SLC35F2: variants seen among roughly 807,000 people sequenced by gnomAD.
SLC35F2 encodes solute carrier family 35 member F2.
SLC35F2 carries 25 observed loss-of-function variants against 38.1 expected under a neutral mutation model. The ratio of observed to expected loss-of-function variants is 0.66; its 90% CI spans 0.48 to 0.92. SLC35F2 has a LOEUF of 0.92. Ranked by LOEUF, SLC35F2 falls within the 40% of genes least tolerant of loss-of-function variation. SLC35F2 has a pLI of 0.00. For missense variants in SLC35F2, 409 were observed against 452.9 expected (o/e 0.90, Z 0.88); for synonymous variants, 173 against 181.7 (o/e 0.95, Z 0.38).
intron 1 of SLC35F2, among the ~76,000 whole-genome samples, chr11:107,857,079 A>T (rs1270103965): frequency 6.8e-6 from 1 of 146,752 alleles, no homozygotes; most frequent in Non-Finnish European, 1.5e-5. Context: ...TGGAGCACAG[A>T]GAACTGATTT....
chr11:107,852,116 T>C (rs1565443273), intron 1 of SLC35F2, among the ~76,000 whole-genome samples: 2 of 152,134 alleles, frequency 1.3e-5, no homozygotes, highest in East Asian at 1.9e-4. Context: ...TGCTAGACAA[T>C]AACAAGGAGT....
At chr11:107,793,975 T>C in intron 7 of SLC35F2, among the ~76,000 whole-genome samples, 2 of 152,090 alleles carry the variant, frequency 1.3e-5, no homozygotes, top group Non-Finnish European at 2.9e-5. Context: ...GGAAAAATGA[T>C]ATACCCCAAA....
At chr11:107,837,345 T>C (rs1342346312) in intron 1 of SLC35F2, among the ~76,000 whole-genome samples, 1 of 152,022 alleles carries the variant, frequency 6.6e-6, no homozygotes, top group East Asian at 1.9e-4. Flanking sequence ...TAGATTAAAA[T>C]CCAAATATGA....
At chr11:107,828,056 T>C (rs559364297) in intron 1 of SLC35F2, among the ~76,000 whole-genome samples, 119 of 152,318 alleles carry the variant, frequency 7.8e-4, no homozygotes, top group African/African-American at 2.7e-3. Context: ...AAACTAAGGA[T>C]TGAATCTATG....
rs189939234 is a variant in SLC35F2 at position 107,820,913 on chromosome 11, G to A, written c.111-4948C>T. On this transcript the variant is annotated intron_variant, in intron 1 of 7. Transcript: ENST00000525815. ...AGAGGTTTCAGTGAGCTGAGATGGC[G>A]CTACTGCACTCCAGCCTGGGCAACA... Among the ~76,000 whole-genome samples, 27 of 152,136 alleles carry A rather than the reference G, an allele frequency of 1.8e-4. No individual in the cohort carries two copies. In the East Asian group the frequency reaches 3.9e-3, roughly 22 times the overall value.
intron 1 of SLC35F2, among the ~76,000 whole-genome samples, chr11:107,842,058 T>A (rs1375863449): frequency 6.7e-6 from 1 of 148,882 alleles, no homozygotes; most frequent in Non-Finnish European, 1.5e-5. Context: ...AGAACAAGAC[T>A]TCGTCTCAAA....
chr11:107,814,290 A>T (rs550271464), intron 2 of SLC35F2, among the ~76,000 whole-genome samples: 51 of 152,188 alleles, frequency 3.4e-4, no homozygotes, highest in Middle Eastern at 3.4e-3. Flanking sequence ...CAACATCTCC[A>T]CTAAAAATAT....
At chr11:107,811,592 T>C (rs1218201658) in intron 3 of SLC35F2, 75 bp downstream of exon 3, 1 of 1,346,498 alleles carries the variant, frequency 7.4e-7, no homozygotes, top group Non-Finnish European at 1.0e-6. Flanking sequence ...TCAATAAAAT[T>C]AGGTCAACAC....
intron 3 of SLC35F2, chr11:107,811,208 A>G: frequency 1.0e-6 from 1 of 985,104 alleles, no homozygotes. Flanking sequence ...TAACAAAGAA[A>G]TAGGGATGGG....
chr11:107,803,628 C>G (rs1859349629), intron 6 of SLC35F2: 1 of 455,694 alleles, frequency 2.2e-6, no homozygotes, highest in Non-Finnish European at 2.9e-6. Context: ...TTATTAGGTC[C>G]ATTGTATTTT....
chr11:107,857,150 A>G (rs1284584591), intron 1 of SLC35F2, among the ~76,000 whole-genome samples: 2 of 134,510 alleles, frequency 1.5e-5, no homozygotes, highest in Non-Finnish European at 3.1e-5. Context: ...GGAGGGAGGG[A>G]GACTGGAGCA....
Position 107,803,932 on chromosome 11 carries a change from T to C in SLC35F2, c.785-777A>G, listed in dbSNP as rs550132819. 4.6e-5 allele frequency among the ~76,000 whole-genome samples: 7 copies of C among 151,990 alleles called. No individual in the cohort carries two copies. The South Asian group carries it at 1.5e-3, about 32-fold the overall frequency. On this transcript the variant is annotated intron_variant, in intron 6 of 7. Transcript: ENST00000525815. ...CCTCCGCCTCCCAGGTTCAAGTGAT[T>C]CTCCTGTCTCAGCCTCCCGAGTAGC...
intron 1 of SLC35F2, among the ~76,000 whole-genome samples, chr11:107,836,957 G>C (rs1042606689): frequency 1.3e-5 from 2 of 152,050 alleles, no homozygotes; most frequent in Non-Finnish European, 2.9e-5. Flanking sequence ...CAAATAAAGA[G>C]TCTATTAAAA....
intron 1 of SLC35F2, 52 bp downstream of exon 1, chr11:107,858,606 C>G (rs532439463): frequency 5.6e-5 from 70 of 1,246,118 alleles, no homozygotes; most frequent in Non-Finnish European, 6.9e-5. Flanking sequence ...CGCGCAGGGC[C>G]CGCAGCCGCC....
At chr11:107,802,834 C>T (rs7109020) in intron 7 of SLC35F2, among the ~76,000 whole-genome samples, 167 bp downstream of exon 7, 22,849 of 152,112 alleles carry the variant, frequency 0.15, 2,764 homozygotes, top group East Asian at 0.42. Context: ...ACAATTCTTA[C>T]GTGAACCCAT....
chr11:107,809,035 G>A (rs987710073), intron 3 of SLC35F2, among the ~76,000 whole-genome samples: 2 of 152,186 alleles, frequency 1.3e-5, no homozygotes, highest in Admixed American at 1.3e-4. Flanking sequence ...ACGCTGACCA[G>A]CTAGCTGTGT....
intron 7 of SLC35F2, among the ~76,000 whole-genome samples, chr11:107,796,844 T>A (rs1859225587): frequency 1.3e-5 from 2 of 149,422 alleles, no homozygotes; most frequent in African/African-American, 4.9e-5. Context: ...AATTTTTGTA[T>A]TTTTTTTTTG....
intron 1 of SLC35F2, among the ~76,000 whole-genome samples, chr11:107,846,417 T>C (rs1314897223): frequency 1.3e-5 from 2 of 152,130 alleles, no homozygotes; most frequent in African/African-American, 4.8e-5. Context: ...TTGTCTTAAA[T>C]ATGCCATGAA....
intron 7 of SLC35F2, among the ~76,000 whole-genome samples, chr11:107,800,940 C>T (rs1241798333): frequency 7.8e-6 from 1 of 127,780 alleles, no homozygotes; most frequent in Non-Finnish European, 1.5e-5. Flanking sequence ...CGGAGTTGCT[C>T]GTTACCCAGG....
Sources: gnomAD v4.1 joint callset for allele counts (sites outside exome capture counted in the v4.1 genomes callset) on GRCh38, gnomAD v4.1.1 for gene constraint, MANE v1.5 for transcripts, NCBI Gene and HGNC (gene_info 2026-07-23, HGNC 2026-07-21) for gene names.